The following RGS10 variants were observed in gnomAD, a reference collection of about 807,000 sequenced individuals.
The protein encoded by RGS10 is regulator of G protein signaling 10.
A neutral mutation model predicts 23.5 loss-of-function variants in RGS10; 11 were observed. The ratio of observed to expected loss-of-function variants is 0.47; its 90% CI spans 0.29 to 0.77. RGS10 has a LOEUF of 0.77. Among genes scored for constraint, RGS10 ranks in the 30% least tolerant of loss-of-function variants. The pLI, the probability that RGS10 is intolerant of heterozygous loss-of-function variation, is 0.08. For missense variants in RGS10, 180 were observed against 226.3 expected, an observed-to-expected ratio of 0.80 and a Z score of 1.31; for synonymous variants, 77 against 83.2, an observed-to-expected ratio of 0.92 and a Z score of 0.41.
intron 3 of RGS10, among the ~76,000 whole-genome samples, chr10:119,525,458 C>T (rs1200252814): frequency 1.3e-5 from 2 of 152,168 alleles, no homozygotes; most frequent in Non-Finnish European, 2.9e-5. Flanking sequence ...AGGGCCAGGC[C>T]TCATAAACCC....
intron 4 of RGS10, 85 bp downstream of exon 4, chr10:119,515,423 TA>T: frequency 6.6e-7 from 1 of 1,525,730 alleles, no homozygotes; most frequent in Non-Finnish European, 9.0e-7. Context: ...CCAGGGAGTC[TA>T]ACATCGGGTG....
At chr10:119,500,994 A>G (rs1221442435) in intron 4 of RGS10, among the ~76,000 whole-genome samples, 1 of 151,994 alleles carries the variant, frequency 6.6e-6, no homozygotes. Flanking sequence ...CCGGCATGGC[A>G]GGTGCTCAGA....
In RGS10 at chr10:119,500,161, A is replaced by G; in HGVS notation, c.498T>C (p.Pro166=). 1 of 1,614,124 alleles carries G rather than the reference A, an allele frequency of 6.2e-7. No homozygotes were observed. Among genetic ancestry groups the G allele is most frequent in the Middle Eastern group, 1.6e-4 (1 of 6,062 alleles). ...CTCTTTTAGCTGCAGTTTGAGCATC[A>G]GGCAAATCTTCTTCCTCTTCCTCGG... ...KRTEEEEEDL[P]DAQTAAKRAS... Residue 166 remains proline, a synonymous_variant, in exon 5 of 5, where the codon CCT becomes CCC. Transcript: ENST00000369103.
intron 1 of RGS10, among the ~76,000 whole-genome samples, chr10:119,539,420 G>A (rs1254034392): frequency 6.6e-6 from 1 of 152,200 alleles, no homozygotes. Flanking sequence ...GTCACCCCTG[G>A]GTGCAGCTGC....
chr10:119,536,417 C>T (rs746810326), intron 1 of RGS10: 5 of 1,584,512 alleles, frequency 3.2e-6, no homozygotes, highest in South Asian at 1.1e-5. Flanking sequence ...AGGGCCAAGG[C>T]GACAGGCAAA....
At chr10:119,502,947 G>A (rs1843968550) in intron 4 of RGS10, among the ~76,000 whole-genome samples, 1 of 152,178 alleles carries the variant, frequency 6.6e-6, no homozygotes. Context: ...GCTGTGGGAA[G>A]CCTGATTGCT....
Position 119,538,944 on chromosome 10 carries a change from A to G in RGS10, c.49+3646T>C, listed in dbSNP as rs1333051598. Among the ~76,000 whole-genome samples, 1 of 152,208 alleles carries G rather than the reference A, an allele frequency of 6.6e-6. No individual in the cohort carries two copies. Among genetic ancestry groups the G allele is most frequent in the African/African-American group, 2.4e-5 (1 of 41,448 alleles). Reference sequence around the variant, plus strand: ...GGGAGGGAAGTGACTCAGTTCACCCAGGAAGCCCTAGGAAATGGCCATGCC... The same window carrying G: ...GGGAGGGAAGTGACTCAGTTCACCCGGGAAGCCCTAGGAAATGGCCATGCC... On this transcript the variant is annotated intron_variant, in intron 1 of 4. Transcript: ENST00000369103. The surrounding 1 kb of genome is among the most constrained non-coding windows in gnomAD (Gnocchi z 4.5).
intron 3 of RGS10, among the ~76,000 whole-genome samples, chr10:119,520,809 C>CAAAAA (rs58487462): frequency 1.3e-3 from 166 of 126,082 alleles, no homozygotes; most frequent in African/African-American, 4.7e-3. Flanking sequence ...TCTCCAAAAG[C>CAAAAA]AAAAAAAAAA....
At chr10:119,504,244 C>CA (rs1394383002) in intron 4 of RGS10, among the ~76,000 whole-genome samples, 1 of 152,244 alleles carries the variant, frequency 6.6e-6, no homozygotes, top group Admixed American at 6.5e-5. Flanking sequence ...GGCTGGAGTG[C>CA]AGTGGCACGA....
intron 1 of RGS10, among the ~76,000 whole-genome samples, chr10:119,537,854 T>C (rs1447143780): frequency 1.3e-5 from 2 of 152,286 alleles, no homozygotes; most frequent in Middle Eastern, 3.4e-3. Context: ...AATAGATCAC[T>C]ATGTTTCTTT....
intron 1 of RGS10, among the ~76,000 whole-genome samples, chr10:119,529,281 C>T (rs1156517042): frequency 6.6e-6 from 1 of 151,772 alleles, no homozygotes; most frequent in Admixed American, 6.6e-5. Context: ...GGTGAAACCC[C>T]GTCTGTACTA....
In RGS10 at chr10:119,542,628, C is replaced by T. The variant is rs1844446352; in HGVS notation, c.11G>A (p.Arg4His). The T allele has an allele frequency of 1.4e-6, 2 of 1,420,672 alleles. No individual in the cohort carries two copies. The highest frequency in any genetic ancestry group is 5.2e-5 in the Admixed American group (2 of 38,652). The allele number at this position is 1,420,672 out of a possible 1,614,324, so 88.0% of individuals were successfully genotyped here. A position where few individuals can be genotyped will look rare whatever the true frequency, so the allele number is the denominator to read the frequency against. Residue 4 changes from arginine to histidine, a missense_variant, in exon 1 of 5, where the codon CGC becomes CAC. Coordinates refer to ENST00000369103, the MANE Select transcript of RGS10 (RefSeq NM_001005339.2). MFN[R>H]AVSRLSRKRP... ...CTTCCTGCTCAGCCGGCTCACGGCGCGGTTGAACATCGCCGCGGGCGCCCG... is the reference window on the plus strand; with the variant it reads ...CTTCCTGCTCAGCCGGCTCACGGCGTGGTTGAACATCGCCGCGGGCGCCCG...
At chr10:119,530,941 T>C (rs1844324792) in intron 1 of RGS10, among the ~76,000 whole-genome samples, 1 of 152,218 alleles carries the variant, frequency 6.6e-6, no homozygotes, top group African/African-American at 2.4e-5. Context: ...CCTCTAACCA[T>C]GAAGGAAACT....
intron 4 of RGS10, 135 bp downstream of exon 4, chr10:119,515,374 T>G (rs1222051709): frequency 9.7e-7 from 1 of 1,026,638 alleles, no homozygotes; most frequent in African/African-American, 1.6e-5. Context: ...CCATGGCCCC[T>G]CAGTGTACCT....
chr10:119,527,575 C>T lies in RGS10; in HGVS notation c.50-151G>A. The T allele has an allele frequency of 1.5e-6, 1 of 648,616 alleles. No homozygotes were observed. Among genetic ancestry groups the T allele is most frequent in the Non-Finnish European group, 2.8e-6 (1 of 361,974 alleles). 40.2% of individuals were successfully genotyped at this position (648,616 alleles called of 1,614,324 possible). A position where few individuals can be genotyped will look rare whatever the true frequency, so the allele number is the denominator to read the frequency against. On this transcript the variant is annotated intron_variant, in intron 1 of 4. Coordinates refer to ENST00000369103, the MANE Select transcript of RGS10 (RefSeq NM_001005339.2). The surrounding 1 kb of genome is among the most constrained non-coding windows in gnomAD (Gnocchi z 4.2). ...TGTTCTAGGTGCTTAACATGATGGACTCATTCTTGTCACACAACCCTGTAA... is the reference window on the plus strand; with the variant it reads ...TGTTCTAGGTGCTTAACATGATGGATTCATTCTTGTCACACAACCCTGTAA...
intron 1 of RGS10, among the ~76,000 whole-genome samples, chr10:119,536,127 T>A (rs1844385162): frequency 6.6e-6 from 1 of 152,204 alleles, no homozygotes; most frequent in South Asian, 2.1e-4. Flanking sequence ...CCCACCTGCA[T>A]GCAATTCCCT....
At chr10:119,530,308 G>T (rs1344289926) in intron 1 of RGS10, among the ~76,000 whole-genome samples, 1 of 152,120 alleles carries the variant, frequency 6.6e-6, no homozygotes, top group Non-Finnish European at 1.5e-5. Context: ...AATACATGTT[G>T]ACTTCTTGAT....
intron 4 of RGS10, among the ~76,000 whole-genome samples, chr10:119,509,433 TA>T (rs934682549): frequency 4.9e-5 from 7 of 143,512 alleles, no homozygotes; most frequent in Non-Finnish European, 4.6e-5. Flanking sequence ...TACAAAAAAT[TA>T]AAAAAAAAAA....
chr10:119,514,657 TAA>T (rs59322683), intron 4 of RGS10, among the ~76,000 whole-genome samples: 22,886 of 141,522 alleles, frequency 0.16, 2,750 homozygotes, highest in African/African-American at 0.34. Context: ...GACTCGGTAT[TAA>T]AAAAAAAAAA....
Sources: gnomAD v4.1 joint callset for allele counts (sites outside exome capture counted in the v4.1 genomes callset) on GRCh38, gnomAD v4.1.1 for gene constraint, Gnocchi (gnomAD v3.1) non-coding constraint, MANE v1.5 for transcripts, NCBI Gene and HGNC (gene_info 2026-07-23, HGNC 2026-07-21) for gene names.